NTRK3: variants seen among roughly 807,000 people sequenced by gnomAD.
The protein encoded by NTRK3 is neurotrophic receptor tyrosine kinase 3, also known as NT-3 growth factor receptor.
NTRK3 carries 24 observed loss-of-function variants against 91.7 expected under a neutral mutation model. The ratio of observed to expected loss-of-function variants is 0.26; its 90% CI spans 0.19 to 0.37. The LOEUF is 0.37. Among genes scored for constraint, NTRK3 ranks in the 10% least tolerant of loss-of-function variants. The pLI, the probability that NTRK3 is intolerant of heterozygous loss-of-function variation, is 1.00. For missense variants in NTRK3, 880 were observed against 1,068.9 expected (o/e 0.82, Z 2.46); for synonymous variants, 483 against 404.0 (o/e 1.20, Z -2.34).
exon 19 of NTRK3, chr15:87,866,110 G>A (rs939532240): frequency 4.4e-5 from 10 of 227,626 alleles, no homozygotes; most frequent in Non-Finnish European, 7.0e-5. Flanking sequence ...GTGGCATGCA[G>A]GGGGTTGATA....
chr15:87,907,020 C>T (rs1027051662), intron 17 of NTRK3, among the ~76,000 whole-genome samples: 1 of 152,114 alleles, frequency 6.6e-6, no homozygotes, highest in Non-Finnish European at 1.5e-5. Flanking sequence ...TAAATTTATG[C>T]CTGTAGCTCC....
chr15:88,124,675 C>T (rs1422626809), intron 13 of NTRK3, among the ~76,000 whole-genome samples: 3 of 152,138 alleles, frequency 2.0e-5, no homozygotes, highest in East Asian at 1.9e-4. Context: ...GAAAGCTGTG[C>T]GCTCACTCAG....
At chr15:88,160,703 C>A (rs143873203) in intron 5 of NTRK3, among the ~76,000 whole-genome samples, 146 of 152,270 alleles carry the variant, frequency 9.6e-4, no homozygotes, top group African/African-American at 3.4e-3. Flanking sequence ...GGTAGCAGAC[C>A]CACTTTTAGG....
At chr15:87,866,846 CTG>C (rs887679482) in exon 19 of NTRK3, 3 of 205,230 alleles carry the variant, frequency 1.5e-5, no homozygotes, top group African/African-American at 6.9e-5. Context: ...TGCTGCAAAT[CTG>C]TGTGTCAATA....
At chr15:88,173,920 T>A (rs2045761273) in intron 5 of NTRK3, among the ~76,000 whole-genome samples, 1 of 152,176 alleles carries the variant, frequency 6.6e-6, no homozygotes, top group South Asian at 2.1e-4. Flanking sequence ...AAATTCCCCA[T>A]CTGTAAAATG....
At position 88,255,293 on chromosome 15, in the gene NTRK3, G is replaced by T. The variant is rs1353462493; in HGVS notation, c.248+613C>A. ...TGGGGCTGGAGAGGGCGGGCTGCAGGAGGGGAAGGGAAGAGGTAGGCGTCC... is the reference window on the plus strand; with the variant it reads ...TGGGGCTGGAGAGGGCGGGCTGCAGTAGGGGAAGGGAAGAGGTAGGCGTCC... On this transcript the variant is annotated intron_variant, in intron 3 of 18. Coordinates refer to ENST00000394480, the Ensembl canonical transcript of NTRK3. This position sits in a 1 kb window ranked among gnomAD's most constrained non-coding sequence, Gnocchi z 4.3. Among the ~76,000 whole-genome samples, 1 of 152,194 alleles carries T rather than the reference G, an allele frequency of 6.6e-6. No homozygotes were observed. Among genetic ancestry groups the T allele is most frequent in the East Asian group, 1.9e-4 (1 of 5,180 alleles).
chr15:88,062,965 G>A (rs546218949), intron 13 of NTRK3, among the ~76,000 whole-genome samples: 1 of 152,220 alleles, frequency 6.6e-6, no homozygotes, highest in South Asian at 2.1e-4. Context: ...GTAAAGATGT[G>A]TGGTGAGTAG....
intron 14 of NTRK3, among the ~76,000 whole-genome samples, chr15:88,026,795 C>A (rs1281276815): frequency 6.6e-6 from 1 of 152,112 alleles, no homozygotes; most frequent in East Asian, 1.9e-4. Context: ...TAAATCTAAA[C>A]CTATTCTAAA....
At position 88,170,788 on chromosome 15, in the gene NTRK3, C is replaced by T. The variant is rs147494494; in HGVS notation, c.395+12630G>A. On this transcript the variant is annotated intron_variant, in intron 5 of 18. Coordinates refer to ENST00000394480, the Ensembl canonical transcript of NTRK3. ...CCCTCATCACTCTGGAAAGTCAGTT[C>T]TAAAATGAACTGAACGACTCCCCTA... 2.7e-4 allele frequency among the ~76,000 whole-genome samples: 41 copies of T among 151,952 alleles called. No individual in the cohort carries two copies. The East Asian group carries it at 6.2e-3, about 23-fold the overall frequency.
chr15:88,179,726 C>A (rs1567593945), intron 5 of NTRK3, among the ~76,000 whole-genome samples: 2 of 152,180 alleles, frequency 1.3e-5, no homozygotes, highest in African/African-American at 4.8e-5. Flanking sequence ...TGGAGGAGAT[C>A]TCAACTCAGG....
chr15:87,931,206 C>A (rs374007444), intron 16 of NTRK3: 32 of 518,196 alleles, frequency 6.2e-5, no homozygotes, highest in African/African-American at 5.6e-4. Flanking sequence ...TTCTTTAACC[C>A]TGCTGGTGGC....
intron 11 of NTRK3, 126 bp downstream of exon 11, chr15:88,128,585 C>T: frequency 4.0e-6 from 4 of 998,660 alleles, no homozygotes; most frequent in Non-Finnish European, 6.4e-6. Flanking sequence ...TCACAGTTCA[C>T]TCAGATGCCC....
intron 17 of NTRK3, among the ~76,000 whole-genome samples, chr15:87,915,792 AT>A (rs1441114418): frequency 2.0e-5 from 3 of 152,134 alleles, no homozygotes; most frequent in Admixed American, 1.3e-4. Flanking sequence ...TTGAATACTT[AT>A]CTTATTTAAT....
chr15:87,892,660 AATG>A (rs553324238), intron 17 of NTRK3, among the ~76,000 whole-genome samples: 50 of 152,330 alleles, frequency 3.3e-4, no homozygotes, highest in African/African-American at 1.2e-3. Flanking sequence ...TAGTAATCAT[AATG>A]ATAACTCAAA....
intron 13 of NTRK3, among the ~76,000 whole-genome samples, chr15:88,117,001 C>A (rs544013749): frequency 6.6e-6 from 1 of 152,154 alleles, no homozygotes; most frequent in African/African-American, 2.4e-5. Context: ...GTGAAATATG[C>A]GGACGTCTAT....
chr15:87,928,859 G>A, intron 17 of NTRK3: 1 of 508,216 alleles, frequency 2.0e-6, no homozygotes, highest in Non-Finnish European at 3.5e-6. Flanking sequence ...GTGTCTGTGT[G>A]TGTGTTTGGG....
At chr15:88,027,380 G>GTTTCTT (rs553999544) in intron 14 of NTRK3, among the ~76,000 whole-genome samples, 55 of 152,146 alleles carry the variant, frequency 3.6e-4, no homozygotes, top group African/African-American at 1.3e-3. Context: ...CTCTCTGTGA[G>GTTTCTT]TTTCTTTTTC....
At chr15:88,225,138 G>A (rs1364687779) in intron 3 of NTRK3, among the ~76,000 whole-genome samples, 1 of 152,170 alleles carries the variant, frequency 6.6e-6, no homozygotes, top group African/African-American at 2.4e-5. Flanking sequence ...GCCAGAGGGT[G>A]ATGGCAGGAA....
intron 14 of NTRK3, among the ~76,000 whole-genome samples, chr15:87,968,906 A>G (rs2073020936): frequency 6.6e-6 from 1 of 152,192 alleles, no homozygotes; most frequent in Non-Finnish European, 1.5e-5. Flanking sequence ...ACTGACCAAA[A>G]TAAACAGATG....
Sources: allele counts gnomAD v4.1 joint callset (sites outside exome capture counted in the v4.1 genomes callset), GRCh38; gene constraint gnomAD v4.1.1; non-coding constraint Gnocchi (gnomAD v3.1); transcripts MANE v1.5; gene names NCBI Gene and HGNC (gene_info 2026-07-23, HGNC 2026-07-21).